Variants in STAG1 observed in about 807,000 individuals in gnomAD.
STAG1 encodes STAG1 cohesin complex component, also known as cohesin subunit SA-1.
STAG1 carries 26 observed loss-of-function variants against 170.9 expected under a neutral mutation model. The observed-to-expected ratio is 0.15, with a 90% CI of 0.11 to 0.21. The LOEUF is 0.21. Ranked by LOEUF, STAG1 falls within the 10% of genes least tolerant of loss-of-function variation. The pLI, the probability that STAG1 is intolerant of heterozygous loss-of-function variation, is 1.00. For synonymous variants in STAG1, 514 were observed against 497.7 expected (o/e 1.03, Z -0.44); for missense variants, 964 against 1,509.5 (o/e 0.64, Z 5.99).
rs377495695 is a variant in STAG1, at chr3:136,553,023, C to T, written c.395-10828G>A. Among the ~76,000 whole-genome samples, 127 of 151,992 alleles carry T rather than the reference C, an allele frequency of 8.4e-4. 5 individuals carry two copies. The South Asian group carries it at 0.025, about 30-fold the overall frequency. On this transcript the variant is annotated intron_variant, in intron 5 of 33. Transcript: ENST00000383202. The stretch of plus-strand genomic sequence containing the variant: ...GCAAAAACAAGACCACAGAAACAGG[C>T]TCACAAAGACTTAAAATACTAGAAT...
At chr3:136,736,828 C>T in intron 1 of STAG1, 1 of 1,580,814 alleles carries the variant, frequency 6.3e-7, no homozygotes, top group South Asian at 1.1e-5. Flanking sequence ...TTCCTTCCTT[C>T]TTTGTTTTTT....
chr3:136,536,176 G>A (rs1935611617), intron 6 of STAG1, among the ~76,000 whole-genome samples: 1 of 152,032 alleles, frequency 6.6e-6, no homozygotes, highest in Non-Finnish European at 1.5e-5. Context: ...AATGAGTGAT[G>A]TCTCAGATAA....
chr3:136,579,181 T>C (rs1466214956), intron 4 of STAG1, among the ~76,000 whole-genome samples: 1 of 152,212 alleles, frequency 6.6e-6, no homozygotes, highest in East Asian at 1.9e-4. Context: ...GAACTTGATA[T>C]GCAGCTACTG....
At chr3:136,739,887 G>C (rs1028905344) in intron 1 of STAG1, among the ~76,000 whole-genome samples, 1 of 151,742 alleles carries the variant, frequency 6.6e-6, no homozygotes, top group Admixed American at 6.6e-5. Flanking sequence ...ATATTACACA[G>C]GATACTGTGC....
Position 136,604,836 on chromosome 3 carries a change from G to C in STAG1, c.133-363C>G, listed in dbSNP as rs191591460. ...AGTTAATTTTTGTATTTTCAATAGAGACGGAGTTTCACCATGTTGGCCAGG... is the reference window on the plus strand; with the variant it reads ...AGTTAATTTTTGTATTTTCAATAGACACGGAGTTTCACCATGTTGGCCAGG... On this transcript the variant is annotated intron_variant, in intron 3 of 33. Coordinates refer to ENST00000383202, the MANE Select transcript of STAG1 (RefSeq NM_005862.3). Among the ~76,000 whole-genome samples, 351 of 152,178 alleles carry C rather than the reference G, an allele frequency of 2.3e-3. 1 individual carries two copies. Among genetic ancestry groups the C allele is most frequent in the Admixed American group, 4.5e-3 (68 of 15,280 alleles).
At chr3:136,498,233 T>TATATACACACACAC in intron 9 of STAG1, among the ~76,000 whole-genome samples, 3 of 57,490 alleles carry the variant, frequency 5.2e-5, no homozygotes, top group African/African-American at 2.1e-4. Context: ...TATATATATA[T>TATATACACACACAC]ACACATACAT....
At chr3:136,541,752 G>C (rs992120418) in intron 6 of STAG1, among the ~76,000 whole-genome samples, 2 of 152,106 alleles carry the variant, frequency 1.3e-5, no homozygotes, top group African/African-American at 4.8e-5. Context: ...AGAATTCACT[G>C]ACCTCCAAAC....
At chr3:136,416,671 GT>G (rs1399471450) in intron 21 of STAG1, among the ~76,000 whole-genome samples, 1 of 152,168 alleles carries the variant, frequency 6.6e-6, no homozygotes, top group Admixed American at 6.5e-5. Flanking sequence ...GGAAGTTGAT[GT>G]CAGCAATACA....
At chr3:136,363,507 G>A in intron 25 of STAG1, 40 bp from the exon 26 acceptor site, 2 of 810,656 alleles carry the variant, frequency 2.5e-6, no homozygotes, top group Admixed American at 2.7e-5. Context: ...TAAAATTACT[G>A]ACATTTCATG....
chr3:136,605,883 T>A (rs1043300950), intron 3 of STAG1, among the ~76,000 whole-genome samples: 3 of 152,040 alleles, frequency 2.0e-5, no homozygotes, highest in Non-Finnish European at 2.9e-5. Flanking sequence ...TTTTCCTTAT[T>A]ATAGTACCTG....
At chr3:136,348,560 C>T (rs1382301837) in intron 29 of STAG1, among the ~76,000 whole-genome samples, 3 of 152,050 alleles carry the variant, frequency 2.0e-5, no homozygotes, top group East Asian at 1.9e-4. Context: ...AGGTGCATGC[C>T]ACCCATTTAA....
At chr3:136,456,350 T>C (rs1011127315) in intron 13 of STAG1, among the ~76,000 whole-genome samples, 4 of 151,518 alleles carry the variant, frequency 2.6e-5, no homozygotes, top group African/African-American at 9.7e-5. Context: ...ATCCTAGAAA[T>C]AAAGAATATA....
chr3:136,492,505 T>C (rs895528822), intron 9 of STAG1, among the ~76,000 whole-genome samples: 3 of 152,210 alleles, frequency 2.0e-5, no homozygotes, highest in Non-Finnish European at 4.4e-5. Flanking sequence ...ACAGAATTTA[T>C]GCTCTCACTT....
At chr3:136,465,755 G>A (rs1458162356) in intron 12 of STAG1, among the ~76,000 whole-genome samples, 1 of 151,832 alleles carries the variant, frequency 6.6e-6, no homozygotes, top group Non-Finnish European at 1.5e-5. Flanking sequence ...CTCTTCCTCA[G>A]CAATAACCAA....
intron 1 of STAG1, among the ~76,000 whole-genome samples, chr3:136,700,611 G>T (rs1943028294): frequency 6.6e-6 from 1 of 151,582 alleles, no homozygotes; most frequent in African/African-American, 2.4e-5. Flanking sequence ...AGTAGAGACG[G>T]GTTTCACCAT....
intron 1 of STAG1, among the ~76,000 whole-genome samples, chr3:136,719,247 T>C (rs1281963174): frequency 6.6e-6 from 1 of 151,988 alleles, no homozygotes; most frequent in African/African-American, 2.4e-5. Flanking sequence ...CATTGCTAAA[T>C]AAAAGCCAAA....
intron 3 of STAG1, among the ~76,000 whole-genome samples, chr3:136,620,831 T>C (rs1489187849): frequency 6.6e-6 from 1 of 152,214 alleles, no homozygotes; most frequent in East Asian, 1.9e-4. Context: ...ACATGCACTA[T>C]TTACTTACTA....
At chr3:136,377,845 T>A in intron 22 of STAG1, 93 bp from the exon 23 acceptor site, 1 of 1,033,692 alleles carries the variant, frequency 9.7e-7, no homozygotes, top group South Asian at 1.3e-5. Context: ...CAAAACTGGT[T>A]TATTCTCAAG....
intron 6 of STAG1, among the ~76,000 whole-genome samples, chr3:136,527,203 C>T (rs1935079983): frequency 6.6e-6 from 1 of 152,178 alleles, no homozygotes; most frequent in South Asian, 2.1e-4. Context: ...AACTTGTTTC[C>T]ATTCTCCCTG....
Sources: allele counts gnomAD v4.1 joint callset (sites outside exome capture counted in the v4.1 genomes callset), GRCh38; gene constraint gnomAD v4.1.1; transcripts MANE v1.5; gene names NCBI Gene and HGNC (gene_info 2026-07-23, HGNC 2026-07-21).